The following RPL26L1 variants were observed in gnomAD, a reference collection of about 807,000 sequenced individuals.
RPL26L1 encodes the protein ribosomal protein uL24-like.
Under a neutral mutation model 15.2 loss-of-function variants are expected in RPL26L1, and 8 were observed. That is an observed-to-expected ratio of 0.53 (90% CI 0.31 to 0.95). RPL26L1 has a LOEUF of 0.95. RPL26L1 is among the 40% of genes least tolerant of loss of function. The pLI, the probability that RPL26L1 is intolerant of heterozygous loss-of-function variation, is 0.05. For synonymous variants in RPL26L1, 51 were observed against 65.9 expected (o/e 0.77, Z 1.09); for missense variants, 146 against 190.9 (o/e 0.76, Z 1.39).
chr5:172,961,686 A>T (rs1010315168), intron 2 of RPL26L1, among the ~76,000 whole-genome samples: 1 of 152,250 alleles, frequency 6.6e-6, no homozygotes, highest in African/African-American at 2.4e-5. Context: ...CAGTGGACAC[A>T]TCTAGCATCT....
chr5:172,966,700 A>C (rs749422898), intron 2 of RPL26L1, among the ~76,000 whole-genome samples: 4 of 152,016 alleles, frequency 2.6e-5, no homozygotes, highest in Non-Finnish European at 4.4e-5. Flanking sequence ...TCTGTGGTAG[A>C]TTTTTCACTG....
At chr5:172,954,374 T>G (rs917306050), upstream of RPL26L1, among the ~76,000 whole-genome samples, 1 of 151,660 alleles carries the variant, frequency 6.6e-6, no homozygotes, top group African/African-American at 2.4e-5. Flanking sequence ...TTGAGACCAG[T>G]CTGGGCAACA....
chr5:172,968,832 G>A (rs1157386031), intron 3 of RPL26L1, among the ~76,000 whole-genome samples: 2 of 94,072 alleles, frequency 2.1e-5, no homozygotes, highest in African/African-American at 4.1e-5. Context: ...TTTTTGAGAC[G>A]GATGCTCGCT....
At chr5:172,961,935 A>G (rs1369373203) in intron 2 of RPL26L1, among the ~76,000 whole-genome samples, 1 of 151,954 alleles carries the variant, frequency 6.6e-6, no homozygotes, top group East Asian at 1.9e-4. Context: ...TGATCCTAAC[A>G]CTCTCACTGC....
At chr5:172,965,524 C>T (rs770043578) in intron 2 of RPL26L1, among the ~76,000 whole-genome samples, 14 of 152,298 alleles carry the variant, frequency 9.2e-5, no homozygotes, top group Non-Finnish European at 1.9e-4. Flanking sequence ...TTAATGGCCT[C>T]CATCCCAGCA....
At chr5:172,960,864 TC>T (rs1755208088) in intron 2 of RPL26L1, among the ~76,000 whole-genome samples, 1 of 138,828 alleles carries the variant, frequency 7.2e-6, no homozygotes, top group South Asian at 2.3e-4. Context: ...GAGCAGGGTT[TC>T]CTAGCCTCAG....
chr5:172,966,454 G>T (rs1221160778), intron 2 of RPL26L1, among the ~76,000 whole-genome samples: 2 of 148,114 alleles, frequency 1.4e-5, no homozygotes, highest in African/African-American at 2.5e-5. Flanking sequence ...GAGCCACCAT[G>T]CCCGGCCTAA....
chr5:172,965,924 C>G (rs1317260278), intron 2 of RPL26L1, among the ~76,000 whole-genome samples: 1 of 152,194 alleles, frequency 6.6e-6, no homozygotes, highest in African/African-American at 2.4e-5. Context: ...ACTATTTCCT[C>G]CTAAAATACG....
intron 2 of RPL26L1, among the ~76,000 whole-genome samples, chr5:172,966,535 G>T (rs906586867): frequency 6.6e-6 from 1 of 151,874 alleles, no homozygotes; most frequent in Admixed American, 6.6e-5. Context: ...AGGCCAAGGT[G>T]GGTGGATCTC....
intron 2 of RPL26L1, among the ~76,000 whole-genome samples, chr5:172,967,859 A>G (rs1174838888): frequency 6.6e-6 from 1 of 151,740 alleles, no homozygotes; most frequent in Non-Finnish European, 1.5e-5. Flanking sequence ...ACATATAAGT[A>G]CATATGTGTA....
At chr5:172,959,727 G>T in intron 1 of RPL26L1, 138 bp from the exon 2 acceptor site, 9 of 1,152,492 alleles carry the variant, frequency 7.8e-6, no homozygotes, top group Non-Finnish European at 1.1e-5. Context: ...GCATCTCTCT[G>T]TCCTCCCTCA....
upstream of RPL26L1, chr5:172,958,421 G>C (rs895309030): frequency 2.2e-6 from 1 of 456,264 alleles, no homozygotes; most frequent in East Asian, 6.9e-5. Context: ...CTGAGTTTCA[G>C]CATGCCGGCA....
intron 2 of RPL26L1, among the ~76,000 whole-genome samples, chr5:172,961,590 G>T (rs186384417): frequency 6.6e-6 from 1 of 152,182 alleles, no homozygotes; most frequent in African/African-American, 2.4e-5. Context: ...TTCACTCTTG[G>T]ATTCTCTTCA....
At chr5:172,966,924 C>T (rs1755479748) in intron 2 of RPL26L1, among the ~76,000 whole-genome samples, 1 of 151,578 alleles carries the variant, frequency 6.6e-6, no homozygotes, top group Non-Finnish European at 1.5e-5. Flanking sequence ...GGCACCATCT[C>T]AGCTCACTGC....
In RPL26L1 at chr5:172,968,537, G is replaced by A. The variant is rs991936308; in HGVS notation, c.247G>A (p.Glu83Lys). The A allele has an allele frequency of 2.5e-6, 4 of 1,614,000 alleles. No individual in the cohort carries two copies. Among genetic ancestry groups the A allele is most frequent in the Non-Finnish European group, 2.5e-6 (3 of 1,180,020 alleles). The change falls in exon 3 of 4, where the codon GAG becomes AAG. Residue 83 changes from glutamate to lysine, a missense_variant. Transcript: ENST00000265100. ...VYRKKYVIYIERVQREKANGT... is the reference protein window; with the variant it reads ...VYRKKYVIYIKRVQREKANGT... ...CAGAAAGAAATATGTCATCTACATC[G>A]AGCGGGTGCAGCGTGAGAAGGCCAA... is the stretch of plus-strand genomic sequence containing the variant.
rs1561759484 is a variant in RPL26L1 at position 172,968,550 on chromosome 5, G to GT, written c.261dup (p.Glu88Ter). 1 of 1,614,104 alleles carries GT rather than the reference G, an allele frequency of 6.2e-7. No homozygotes were observed. The highest frequency in any genetic ancestry group is 1.1e-5 in the South Asian group (1 of 91,080). On this transcript the variant is annotated frameshift_variant, in exon 3 of 4. Coordinates refer to ENST00000265100, the MANE Select transcript of RPL26L1 (RefSeq NM_016093.4). LOFTEE classifies it high-confidence loss of function. ...GTCATCTACATCGAGCGGGTGCAGC[G>GT]TGAGAAGGCCAACGGCACAACTGTC...
intron 2 of RPL26L1, among the ~76,000 whole-genome samples, chr5:172,961,528 C>T (rs547625378): frequency 6.6e-6 from 1 of 152,224 alleles, no homozygotes; most frequent in Admixed American, 6.5e-5. Flanking sequence ...ACTTTGTTCT[C>T]TATTCATAAC....
upstream of RPL26L1, chr5:172,958,771 G>A (rs1487418255): frequency 4.2e-6 from 1 of 240,732 alleles, no homozygotes; most frequent in Admixed American, 4.5e-5. Flanking sequence ...GGCGGGGCCA[G>A]GCACGGGCAG....
At position 172,961,009 on chromosome 5, in the gene RPL26L1, T is replaced by C. The variant is rs544857862; in HGVS notation, c.168+968T>C. Among the ~76,000 whole-genome samples the C allele has an allele frequency of 2.0e-5, 3 of 152,048 alleles. No individual in the cohort carries two copies. In the East Asian group the frequency reaches 5.8e-4, roughly 29 times the overall value. On this transcript the variant is annotated intron_variant, in intron 2 of 3. Transcript: ENST00000265100. ...CCAGTGGCACTCCCTCCCTTCACAGTTGTGACAAGCAAAAATATTTCCAGA... is the reference window on the plus strand; with the variant it reads ...CCAGTGGCACTCCCTCCCTTCACAGCTGTGACAAGCAAAAATATTTCCAGA...
Sources: gnomAD v4.1 joint callset for allele counts (sites outside exome capture counted in the v4.1 genomes callset) on GRCh38, gnomAD v4.1.1 for gene constraint, MANE v1.5 for transcripts, NCBI Gene and HGNC (gene_info 2026-07-23, HGNC 2026-07-21) for gene names.